SLC4A8: variants seen among roughly 807,000 people sequenced by gnomAD.
The protein encoded by SLC4A8 is solute carrier family 4 member 8, also known as electroneutral sodium bicarbonate exchanger 1.
In SLC4A8, 40 loss-of-function variants were observed where a neutral mutation model predicts 125.0. The ratio of observed to expected loss-of-function variants is 0.32; its 90% CI spans 0.25 to 0.42. The LOEUF is 0.42. Ranked by LOEUF, SLC4A8 falls within the 10% of genes least tolerant of loss-of-function variation. The pLI, the probability that SLC4A8 is intolerant of heterozygous loss-of-function variation, is 1.00. For synonymous variants in SLC4A8, 456 were observed against 476.0 expected, an observed-to-expected ratio of 0.96 and a Z score of 0.55; for missense variants, 863 against 1,355.1, an observed-to-expected ratio of 0.64 and a Z score of 5.70.
intron 11 of SLC4A8, chr12:51,467,402 T>A (rs1950554690): frequency 2.0e-5 from 3 of 152,124 alleles, no homozygotes; most frequent in Admixed American, 2.0e-4. Flanking sequence ...GAAAGGTGAA[T>A]CCCAACTATA....
At chr12:51,484,164 A>G (rs1485550388) in intron 16 of SLC4A8, among the ~76,000 whole-genome samples, 1 of 152,338 alleles carries the variant, frequency 6.6e-6, no homozygotes, top group South Asian at 2.1e-4. Context: ...ATATATGACT[A>G]GAACACATTC....
At chr12:51,410,400 G>T (rs554440197) in intron 1 of SLC4A8, among the ~76,000 whole-genome samples, 62 of 151,794 alleles carry the variant, frequency 4.1e-4, no homozygotes, top group African/African-American at 1.2e-3. Context: ...CAAGTATGAT[G>T]CTGGCTTTGA....
intron 9 of SLC4A8, 49 bp downstream of exon 9, chr12:51,461,340 A>G (rs1408383677): frequency 9.4e-7 from 1 of 1,063,324 alleles, no homozygotes; most frequent in Non-Finnish European, 1.5e-6. Context: ...TATTTATTGA[A>G]TATTTACTCT....
chr12:51,473,958 C>T (rs958871644), intron 14 of SLC4A8, among the ~76,000 whole-genome samples: 2 of 152,092 alleles, frequency 1.3e-5, no homozygotes, highest in African/African-American at 4.8e-5. Flanking sequence ...AGTGGGATAT[C>T]GAGACCTCCT....
Position 51,510,905 on chromosome 12 carries a change from C to T in SLC4A8, c.*3467C>T, listed in dbSNP as rs1174465805. 6.6e-6 allele frequency: 1 copy of T among 152,200 alleles called. No individual in the cohort carries two copies. The highest frequency in any genetic ancestry group is 1.5e-5 in the Non-Finnish European group (1 of 68,058). The allele number at this position is 152,200 out of a possible 1,614,324, so 9.4% of individuals were successfully genotyped here. On this transcript the variant is annotated 3_prime_UTR_variant, in exon 25 of 25. Coordinates refer to ENST00000453097, the MANE Select transcript of SLC4A8 (RefSeq NM_001039960.3). ...TGGATACTGGTTGTGGCCTTTGACTCATTAGCTGATTGTTGGATCTCTTTG... is the reference window on the plus strand; with the variant it reads ...TGGATACTGGTTGTGGCCTTTGACTTATTAGCTGATTGTTGGATCTCTTTG...
At chr12:51,419,283 G>A (rs142645096) in intron 1 of SLC4A8, among the ~76,000 whole-genome samples, 50 of 152,256 alleles carry the variant, frequency 3.3e-4, no homozygotes, top group Non-Finnish European at 6.5e-4. Context: ...TACAAATGTC[G>A]GGTATTGAAT....
In SLC4A8 at chr12:51,452,137, G is replaced by A; in HGVS notation, c.291G>A (p.Gln97=). Residue 97 remains glutamine (Q), a synonymous_variant, in exon 4 of 25, where the codon CAG becomes CAA. Coordinates refer to ENST00000453097, the MANE Select transcript of SLC4A8 (RefSeq NM_001039960.3). The part of the protein sequence containing the change: ...LEALAHDTPS[Q]RVQFILGTEE... Reference sequence around the variant, plus strand: ...TTGATTTCCTAGACACACCATCTCAGCGTGTTCAGTTCATTCTTGGCACCG... The same window carrying A: ...TTGATTTCCTAGACACACCATCTCAACGTGTTCAGTTCATTCTTGGCACCG... 6.2e-7 allele frequency: 1 copy of A among 1,614,214 alleles called. No individual in the cohort carries two copies.
Position 51,466,159 on chromosome 12 carries a change from A to G in SLC4A8, c.1349+2445A>G, listed in dbSNP as rs1592231904. 2.0e-5 allele frequency among the ~76,000 whole-genome samples: 3 copies of G among 152,284 alleles called. No individual in the cohort carries two copies. In the East Asian group the frequency reaches 5.8e-4, roughly 29 times the overall value. ...GAGTTCTGTATGATCTGACCCTCCA[A>G]GCCAGGGTTAAGACAGATCTTAAAC... is the stretch of plus-strand genomic sequence containing the variant. On this transcript the variant is annotated intron_variant, in intron 11 of 24. Transcript: ENST00000453097.
At chr12:51,480,353 TA>T in intron 16 of SLC4A8, 1 of 1,176,502 alleles carries the variant, frequency 8.5e-7, no homozygotes. Flanking sequence ...TTCCCTGGAA[TA>T]AAAGTCTAGA....
chr12:51,410,735 C>T (rs948798163), intron 1 of SLC4A8, among the ~76,000 whole-genome samples: 3 of 152,158 alleles, frequency 2.0e-5, no homozygotes, highest in Admixed American at 2.0e-4. Context: ...GTTGGGATTA[C>T]AGGTGTGAGT....
At chr12:51,445,610 C>A (rs1949749727) in intron 2 of SLC4A8, among the ~76,000 whole-genome samples, 2 of 152,074 alleles carry the variant, frequency 1.3e-5, no homozygotes, top group African/African-American at 4.8e-5. Flanking sequence ...ATCCTTTTGC[C>A]CCAGAACCAG....
intron 1 of SLC4A8, among the ~76,000 whole-genome samples, chr12:51,435,872 A>G (rs1949391077): frequency 6.6e-6 from 1 of 152,152 alleles, no homozygotes; most frequent in African/African-American, 2.4e-5. Context: ...GCTGGGACCT[A>G]TGACCAGCCA....
At chr12:51,393,184 G>A (rs886270772) in intron 1 of SLC4A8, among the ~76,000 whole-genome samples, 1 of 150,940 alleles carries the variant, frequency 6.6e-6, no homozygotes, top group African/African-American at 2.4e-5. Context: ...GAGCTATCAC[G>A]GCTCACTGCA....
chr12:51,503,044 G>T (rs555285091), intron 22 of SLC4A8, among the ~76,000 whole-genome samples: 2 of 150,636 alleles, frequency 1.3e-5, no homozygotes, highest in Admixed American at 1.3e-4. Flanking sequence ...GGGTTTCACC[G>T]TGTTAGCCAG....
intron 20 of SLC4A8, among the ~76,000 whole-genome samples, 186 bp downstream of exon 20, chr12:51,493,958 G>C (rs1169459688): frequency 6.6e-6 from 1 of 152,244 alleles, no homozygotes; most frequent in Non-Finnish European, 1.5e-5. Context: ...TGGCAGGAGA[G>C]TACAGAGACT....
chr12:51,423,559 C>T (rs1592156730), upstream of SLC4A8, among the ~76,000 whole-genome samples: 1 of 152,274 alleles, frequency 6.6e-6, no homozygotes, highest in South Asian at 2.1e-4. Flanking sequence ...TGAAGCCCAA[C>T]CTTGTTTCCA....
At position 51,450,902 on chromosome 12, in the gene SLC4A8, C is replaced by T. The variant is rs1382178449; in HGVS notation, c.157C>T (p.Arg53Trp). The change falls in exon 3 of 25, where the codon CGG becomes TGG. Residue 53 changes from arginine to tryptophan, a missense_variant. Around this residue, in one of 6 missense-constraint regions of SLC4A8, gnomAD observed 104 missense variants for 116.4 expected, o/e 0.89. Transcript: ENST00000453097. ...TCACAGAACTCTGTATGTGGGAGTT[C>T]GGATGCCGCTTGGCCGGCAGAGCCA... The part of the protein sequence containing the change: ...EGHRTLYVGV[R>W]MPLGRQSHRH... 2 of 1,613,022 alleles carry T rather than the reference C, an allele frequency of 1.2e-6. No individual in the cohort carries two copies. The highest frequency in any genetic ancestry group is 2.2e-5 in the East Asian group (1 of 44,840).
Position 51,493,895 on chromosome 12 carries a change from CACTT to C in SLC4A8, c.2769+125_2769+128del, listed in dbSNP as rs1249406492. ...TGAGAAAATTGTTTCCTAGTCTTGC[CACTT>C]AGGCTATTTTAGACATGTATTTGGA... On this transcript the variant is annotated intron_variant, in intron 20 of 24. Transcript: ENST00000453097. 65 of 734,108 alleles carry C rather than the reference CACTT, an allele frequency of 8.9e-5. No individual in the cohort carries two copies. In the South Asian group the frequency reaches 9.8e-4, roughly 11 times the overall value. 45.5% of individuals were successfully genotyped at this position (734,108 alleles called of 1,614,324 possible).
intron 16 of SLC4A8, chr12:51,480,288 TTC>T (rs1950987200): frequency 8.0e-7 from 1 of 1,253,870 alleles, no homozygotes; most frequent in Admixed American, 2.7e-5. Context: ...AATAATGGAT[TTC>T]TTTCTTGCTT....
Sources: gnomAD v4.1 joint callset for allele counts (sites outside exome capture counted in the v4.1 genomes callset) on GRCh38, gnomAD v4.1.1 for gene constraint, gnomAD v4.1.1 regional missense constraint, MANE v1.5 for transcripts, NCBI Gene and HGNC (gene_info 2026-07-23, HGNC 2026-07-21) for gene names.